The following CECR2 variants were observed in gnomAD, a reference collection of about 807,000 sequenced individuals.
The protein encoded by CECR2 is CECR2 histone acetyl-lysine reader.
Under a neutral mutation model 154.5 loss-of-function variants are expected in CECR2, and 30 were observed. The observed-to-expected ratio is 0.19, with a 90% CI of 0.15 to 0.26. The LOEUF (loss-of-function observed/expected upper bound fraction) is 0.26, where lower values mean the gene tolerates loss of function less well. Among genes scored for constraint, CECR2 ranks in the 10% least tolerant of loss-of-function variants. CECR2 has a pLI of 1.00. For missense variants in CECR2, 1,743 were observed against 1,829.3 expected (o/e 0.95, Z 0.86); for synonymous variants, 725 against 683.7 (o/e 1.06, Z -0.94).
chr22:17,383,519 C>T (rs2063223996), intron 1 of CECR2, among the ~76,000 whole-genome samples: 1 of 152,034 alleles, frequency 6.6e-6, no homozygotes, highest in Non-Finnish European at 1.5e-5. Flanking sequence ...CAACAAACTA[C>T]TTTTTTTGTT....
At chr22:17,386,908 C>A (rs1417009279) in intron 1 of CECR2, among the ~76,000 whole-genome samples, 2 of 152,184 alleles carry the variant, frequency 1.3e-5, no homozygotes, top group Admixed American at 6.5e-5. Flanking sequence ...GCCTCAGCCT[C>A]CTACAGTGCT....
At chr22:17,504,557 C>T (rs562431835) in intron 6 of CECR2, among the ~76,000 whole-genome samples, 75 of 152,068 alleles carry the variant, frequency 4.9e-4, no homozygotes, top group African/African-American at 1.8e-3. Context: ...CTGCCTCAGC[C>T]TCCCGAGTAG....
Position 17,378,218 on chromosome 22 carries a change from T to C in CECR2, c.126+8309T>C, listed in dbSNP as rs571621240. ...CAGGATGGTCTGGATCTCCTAACCT[T>C]GTGATCCGCCCGCCTTGGCCTCCCA... On this transcript the variant is annotated intron_variant, in intron 1 of 18. Transcript: ENST00000262608. 9.8e-4 allele frequency among the ~76,000 whole-genome samples: 145 copies of C among 147,670 alleles called. 2 individuals are homozygous for C. The East Asian group carries it at 0.011, about 11-fold the overall frequency.
chr22:17,442,609 T>TGCG (rs1382982194), intron 1 of CECR2, among the ~76,000 whole-genome samples: 3 of 152,104 alleles, frequency 2.0e-5, no homozygotes, highest in Non-Finnish European at 4.4e-5. Flanking sequence ...AGTGCAGTGG[T>TGCG]GCGGTCTCAG....
chr22:17,382,891 C>T (rs1266902913), intron 1 of CECR2, among the ~76,000 whole-genome samples: 1 of 151,862 alleles, frequency 6.6e-6, no homozygotes, highest in Admixed American at 6.6e-5. Context: ...AGCAGTGAGA[C>T]CTTGTCTCAA....
chr22:17,514,284 G>A (rs1194693771), intron 8 of CECR2, among the ~76,000 whole-genome samples: 1 of 152,216 alleles, frequency 6.6e-6, no homozygotes, highest in Non-Finnish European at 1.5e-5. Flanking sequence ...CGTCTCAAAT[G>A]TGCTGCTAAC....
chr22:17,538,596 GT>G, intron 11 of CECR2, 39 bp downstream of exon 11: 1 of 1,613,546 alleles, frequency 6.2e-7, no homozygotes, highest in Non-Finnish European at 8.5e-7. Context: ...TGTGATAGAA[GT>G]TTTCCTCTGT....
At chr22:17,366,761 G>A (rs2146424500), upstream of CECR2, among the ~76,000 whole-genome samples, 1 of 152,296 alleles carries the variant, frequency 6.6e-6, no homozygotes, top group South Asian at 2.1e-4. Flanking sequence ...AACAGGGCCA[G>A]AGAAGGTCCA....
At chr22:17,475,353 C>A (rs2055191985) in intron 1 of CECR2, among the ~76,000 whole-genome samples, 1 of 152,260 alleles carries the variant, frequency 6.6e-6, no homozygotes, top group African/African-American at 2.4e-5. Context: ...TTGGGAAGAA[C>A]ACTGTACTCG....
At chr22:17,498,845 T>C (rs1211530810) in intron 3 of CECR2, among the ~76,000 whole-genome samples, 1 of 152,204 alleles carries the variant, frequency 6.6e-6, no homozygotes, top group African/African-American at 2.4e-5. Context: ...CTCTCTTTTT[T>C]GAAAAGGGAA....
chr22:17,538,608 G>T (rs776554417), intron 11 of CECR2, 32 bp from the exon 12 acceptor site: 10 of 1,613,496 alleles, frequency 6.2e-6, no homozygotes, highest in South Asian at 2.2e-5. Context: ...TTTCCTCTGT[G>T]AGTGTGTTAA....
At chr22:17,499,674 A>AGAGATGGTAAG in intron 4 of CECR2, 125 bp downstream of exon 4, 1 of 946,774 alleles carries the variant, frequency 1.1e-6, no homozygotes, top group Non-Finnish European at 1.5e-6. Flanking sequence ...ATGCCTGCAA[A>AGAGATGGTAAG]GAGATGGTAA....
At chr22:17,381,079 G>T (rs984724812) in intron 1 of CECR2, among the ~76,000 whole-genome samples, 3 of 90,218 alleles carry the variant, frequency 3.3e-5, no homozygotes, top group African/African-American at 1.3e-4. Context: ...TTTGTTCAGG[G>T]AACATTGTTG....
chr22:17,408,778 A>T (rs928489982), intron 1 of CECR2, among the ~76,000 whole-genome samples: 4 of 152,212 alleles, frequency 2.6e-5, no homozygotes, highest in Non-Finnish European at 5.9e-5. Context: ...CCTTGTATTC[A>T]TGAAACAAAA....
chr22:17,499,747 C>CT (rs1215182479), intron 4 of CECR2, among the ~76,000 whole-genome samples, 198 bp downstream of exon 4: 2 of 152,094 alleles, frequency 1.3e-5, no homozygotes, highest in African/African-American at 4.8e-5. Context: ...GTTAAATATA[C>CT]TTTTTTAATC....
At chr22:17,441,240 A>G (rs186221710) in intron 1 of CECR2, among the ~76,000 whole-genome samples, 3 of 152,286 alleles carry the variant, frequency 2.0e-5, no homozygotes, top group African/African-American at 4.8e-5. Context: ...GTGAGCCACC[A>G]TGCCTGGCCT....
intron 8 of CECR2, among the ~76,000 whole-genome samples, chr22:17,517,436 C>T (rs1601499695): frequency 6.6e-6 from 1 of 152,148 alleles, no homozygotes; most frequent in Non-Finnish European, 1.5e-5. Flanking sequence ...GGAGGAATAC[C>T]GGTATCATTT....
intron 1 of CECR2, among the ~76,000 whole-genome samples, chr22:17,409,062 GC>G (rs1173632816): frequency 6.6e-6 from 1 of 152,158 alleles, no homozygotes; most frequent in African/African-American, 2.4e-5. Context: ...AATGAAACAT[GC>G]CCTGATCAGC....
intron 1 of CECR2, among the ~76,000 whole-genome samples, chr22:17,463,941 T>C (rs1003431986): frequency 1.3e-5 from 2 of 152,070 alleles, no homozygotes; most frequent in African/African-American, 2.4e-5. Context: ...GGAAAAGAAA[T>C]AGCAGTGCGG....
Sources: allele counts gnomAD v4.1 joint callset (sites outside exome capture counted in the v4.1 genomes callset), GRCh38; gene constraint gnomAD v4.1.1; transcripts MANE v1.5; gene names NCBI Gene and HGNC (gene_info 2026-07-23, HGNC 2026-07-21).